ALK: variants seen among roughly 807,000 people sequenced by gnomAD.
ALK encodes ALK tyrosine kinase receptor.
In ALK, 74 loss-of-function variants were observed where a neutral mutation model predicts 163.1. The observed-to-expected ratio is 0.45, with a 90% CI of 0.38 to 0.55. The LOEUF (loss-of-function observed/expected upper bound fraction) is 0.55, where lower values mean the gene tolerates loss of function less well. ALK is among the 20% of genes least tolerant of loss of function. The probability of loss-of-function intolerance (pLI) is 0.00; values close to 1 mark genes in which losing one functional copy is unlikely to be tolerated. For synonymous variants in ALK, 960 were observed against 843.2 expected, an observed-to-expected ratio of 1.14 and a Z score of -2.40; for missense variants, 2,063 against 2,105.3, an observed-to-expected ratio of 0.98 and a Z score of 0.39.
At chr2:29,852,857 T>G (rs1396206525) in intron 1 of ALK, among the ~76,000 whole-genome samples, 1 of 148,682 alleles carries the variant, frequency 6.7e-6, no homozygotes, top group Non-Finnish European at 1.5e-5. Flanking sequence ...TCTCTCTCTC[T>G]CTCTCTCTCT....
At chr2:29,232,061 C>T (rs765516124) in intron 15 of ALK, among the ~76,000 whole-genome samples, 7 of 152,326 alleles carry the variant, frequency 4.6e-5, no homozygotes, top group Non-Finnish European at 8.8e-5. Context: ...GGCTGATTGA[C>T]GGCTGCTCCC....
chr2:29,407,509 G>A (rs1219123346), intron 4 of ALK, among the ~76,000 whole-genome samples: 1 of 152,250 alleles, frequency 6.6e-6, no homozygotes, highest in Non-Finnish European at 1.5e-5. Flanking sequence ...AATAGAGGCT[G>A]AGTTTGAATT....
intron 1 of ALK, among the ~76,000 whole-genome samples, chr2:29,846,863 A>G (rs982297730): frequency 6.6e-6 from 1 of 152,118 alleles, no homozygotes; most frequent in Non-Finnish European, 1.5e-5. Flanking sequence ...TATTATTCCC[A>G]TTTTACAGCA....
chr2:29,193,666 C>T lies in ALK; in HGVS notation c.4421G>A (p.Gly1474Glu), dbSNP rs1293939080. 1.2e-6 allele frequency: 2 copies of T among 1,613,992 alleles called. No homozygotes were observed. The highest frequency in any genetic ancestry group is 1.7e-5 in the Admixed American group (1 of 60,004). The part of the protein sequence containing the change: ...RVPRGPAVEG[G>E]HVNMAFSQSN... ...CTGAGAGAATGCCATATTCACGTGT[C>T]CCCCTTCCACGGCCGGCCCTCTAGG... Residue 1474 changes from glycine to glutamate, a missense_variant, in exon 29 of 29, where the codon GGA becomes GAA. Coordinates refer to ENST00000389048, the MANE Select transcript of ALK (RefSeq NM_004304.5).
chr2:29,571,626 T>TTTTTTTTTTTTTTTTTTTTTTTTG (rs1674374949), intron 3 of ALK, among the ~76,000 whole-genome samples: 1 of 102,856 alleles, frequency 9.7e-6, no homozygotes, highest in Non-Finnish European at 2.2e-5. Flanking sequence ...TTTTTTTTTT[T>TTTTTTTTTTTTTTTTTTTTTTTTG]TTTTTTTTGA....
chr2:29,546,587 A>T (rs1673560474), intron 3 of ALK, among the ~76,000 whole-genome samples: 1 of 152,206 alleles, frequency 6.6e-6, no homozygotes, highest in African/African-American at 2.4e-5. Flanking sequence ...AACAAAACCC[A>T]CTAGAGAGAG....
rs551330385 is a variant in ALK at position 29,403,608 on chromosome 2, G to A, written c.1155-19749C>T. Among the ~76,000 whole-genome samples, 466 of 142,374 alleles carry A rather than the reference G, an allele frequency of 3.3e-3. 1 individual carries two copies. The highest frequency in any genetic ancestry group is 5.3e-3 in the Non-Finnish European group (351 of 66,786). The allele number at this position is 142,374 out of a possible 152,430, so 93.4% of individuals were successfully genotyped here. A position where few individuals can be genotyped will look rare whatever the true frequency, so the allele number is the denominator to read the frequency against. On this transcript the variant is annotated intron_variant, in intron 4 of 28. Coordinates refer to ENST00000389048, the MANE Select transcript of ALK (RefSeq NM_004304.5). The stretch of plus-strand genomic sequence containing the variant: ...GGAGGGTGGGGGCGCTGGCATGCTT[G>A]TTCACACCTATAATCCCAGCACTTT...
chr2:29,314,589 C>T (rs1666777933), intron 8 of ALK, among the ~76,000 whole-genome samples: 1 of 152,146 alleles, frequency 6.6e-6, no homozygotes, highest in Admixed American at 6.5e-5. Context: ...CTGACCACCA[C>T]AAATTGGGGG....
At chr2:29,861,260 A>G (rs1315742821) in intron 1 of ALK, among the ~76,000 whole-genome samples, 2 of 152,206 alleles carry the variant, frequency 1.3e-5, no homozygotes, top group Non-Finnish European at 2.9e-5. Context: ...AGAACAAACT[A>G]AGCCCGAAGT....
In ALK at chr2:29,222,546, C is replaced by T. The variant is rs748493584; in HGVS notation, c.3421G>A (p.Asp1141Asn). Residue 1141 changes from aspartate (D) to asparagine (N), a missense_variant, in exon 21 of 29, where the codon GAC (aspartate) becomes AAC (asparagine). This residue lies in a region of ALK where 575 missense variants were observed against 626.6 expected (regional missense o/e 0.92). Coordinates refer to ENST00000389048, the MANE Select transcript of ALK (RefSeq NM_004304.5). ...ACAGCCACTTGCAGGGGGCTTGGGT[C>T]GTTGGGCATTCCGGACACCTGGCCT... ...YEGQVSGMPNDPSPLQVAVKT... is the reference protein window; with the variant it reads ...YEGQVSGMPNNPSPLQVAVKT... 67 of 1,613,972 alleles carry T rather than the reference C, an allele frequency of 4.2e-5. No homozygotes were observed. The highest frequency in any genetic ancestry group is 5.5e-5 in the South Asian group (5 of 91,074).
At chr2:29,912,120 C>T (rs1667720357) in intron 1 of ALK, among the ~76,000 whole-genome samples, 1 of 152,018 alleles carries the variant, frequency 6.6e-6, no homozygotes, top group Admixed American at 6.5e-5. Context: ...GTCTCAAGAG[C>T]ATGGGAGATC....
intron 3 of ALK, among the ~76,000 whole-genome samples, chr2:29,580,324 G>T (rs1431827310): frequency 1.3e-5 from 2 of 152,182 alleles, no homozygotes; most frequent in African/African-American, 2.4e-5. Context: ...GCTGCCTTTT[G>T]TAAATTACAT....
At chr2:29,248,437 T>G (rs915463247) in intron 12 of ALK, among the ~76,000 whole-genome samples, 1 of 152,222 alleles carries the variant, frequency 6.6e-6, no homozygotes, top group Non-Finnish European at 1.5e-5. Flanking sequence ...CACCCCAGCC[T>G]GGGCAACAGA....
At chr2:29,741,232 T>C (rs10211451) in intron 1 of ALK, among the ~76,000 whole-genome samples, 4 of 151,952 alleles carry the variant, frequency 2.6e-5, no homozygotes, top group East Asian at 1.9e-4. Context: ...CACAGAGGAT[T>C]TGGGGGGCAA....
At chr2:29,446,184 T>A (rs13400760) in intron 4 of ALK, among the ~76,000 whole-genome samples, 1,879 of 93,922 alleles carry the variant, frequency 0.02, 49 homozygotes, top group African/African-American at 0.071. Context: ...ACAAAAAAAA[T>A]GAAGAAAACA....
At chr2:29,304,008 C>T (rs1282527388) in intron 8 of ALK, among the ~76,000 whole-genome samples, 3 of 152,158 alleles carry the variant, frequency 2.0e-5, no homozygotes, top group Non-Finnish European at 4.4e-5. Flanking sequence ...AACAAACCTG[C>T]ATGTTTATCC....
intron 2 of ALK, among the ~76,000 whole-genome samples, chr2:29,700,326 C>G (rs116700865): frequency 0.012 from 1,782 of 152,208 alleles, 36 homozygotes; most frequent in African/African-American, 0.041. Flanking sequence ...GGGTGGATCA[C>G]CTGAGGTCGG....
chr2:29,367,962 G>A (rs529267523), intron 5 of ALK, among the ~76,000 whole-genome samples: 1 of 152,238 alleles, frequency 6.6e-6, no homozygotes, highest in South Asian at 2.1e-4. Context: ...TGTGTTTATA[G>A]TTTCCCGTGC....
intron 1 of ALK, among the ~76,000 whole-genome samples, chr2:29,782,099 G>T (rs1419415398): frequency 6.6e-6 from 1 of 152,174 alleles, no homozygotes; most frequent in Non-Finnish European, 1.5e-5. Flanking sequence ...TGCCTCAGGG[G>T]AGGGGGGACA....
Sources: gnomAD v4.1 joint callset for allele counts (sites outside exome capture counted in the v4.1 genomes callset) on GRCh38, gnomAD v4.1.1 for gene constraint, gnomAD v4.1.1 regional missense constraint, MANE v1.5 for transcripts, NCBI Gene and HGNC (gene_info 2026-07-23, HGNC 2026-07-21) for gene names.